POT1: variants seen among roughly 807,000 people sequenced by gnomAD.
POT1 encodes the protein protection of telomeres protein 1.
In POT1, 47 loss-of-function variants were observed where a neutral mutation model predicts 78.5. The observed-to-expected ratio is 0.60, with a 90% confidence interval of 0.47 to 0.76. The LOEUF (loss-of-function observed/expected upper bound fraction) is 0.76, where lower values mean the gene tolerates loss of function less well. Among genes scored for constraint, POT1 ranks in the 30% least tolerant of loss-of-function variants. The probability of loss-of-function intolerance (pLI) is 0.00; values close to 1 mark genes in which losing one functional copy is unlikely to be tolerated. For synonymous variants in POT1, 259 were observed against 260.7 expected (o/e 0.99, Z 0.06); for missense variants, 646 against 749.9 (o/e 0.86, Z 1.62).
chr7:124,928,081 C>T (rs1337830615), intron 2 of POT1, among the ~76,000 whole-genome samples: 2 of 151,984 alleles, frequency 1.3e-5, no homozygotes, highest in African/African-American at 4.8e-5. Flanking sequence ...AACTACCTAA[C>T]GCATGGAAAA....
chr7:124,827,125 T>C, intron 17 of POT1, 89 bp downstream of exon 17: 1 of 680,154 alleles, frequency 1.5e-6, no homozygotes, highest in Non-Finnish European at 2.1e-6. Context: ...TTAAGTCCTT[T>C]TAGGAACAAA....
At chr7:124,906,639 T>C (rs1009048910) in intron 3 of POT1, among the ~76,000 whole-genome samples, 4 of 151,850 alleles carry the variant, frequency 2.6e-5, no homozygotes, top group African/African-American at 9.7e-5. Flanking sequence ...AAAAGTATAA[T>C]AAAAAATAAA....
chr7:124,855,059 C>A (rs924588767), intron 9 of POT1, among the ~76,000 whole-genome samples: 1 of 151,216 alleles, frequency 6.6e-6, no homozygotes, highest in Non-Finnish European at 1.5e-5. Flanking sequence ...TTCATGGAAT[C>A]TGAAAAGCTA....
intron 6 of POT1, among the ~76,000 whole-genome samples, chr7:124,877,282 T>C (rs185502784): frequency 2.6e-5 from 4 of 152,182 alleles, no homozygotes; most frequent in Non-Finnish European, 4.4e-5. Context: ...TTATAAAACC[T>C]GACAAAACTA....
At chr7:124,877,490 C>T (rs1002609990) in intron 6 of POT1, among the ~76,000 whole-genome samples, 4 of 151,768 alleles carry the variant, frequency 2.6e-5, no homozygotes, top group African/African-American at 9.7e-5. Context: ...AACAACTACT[C>T]TAGATTGGAG....
At chr7:124,891,616 CCTTT>C (rs980743653) in intron 6 of POT1, among the ~76,000 whole-genome samples, 17 of 151,510 alleles carry the variant, frequency 1.1e-4, no homozygotes, top group African/African-American at 3.9e-4. Flanking sequence ...TTGCTATCTT[CCTTT>C]GTGTTTCATT....
At chr7:124,868,749 T>C (rs909596028) in intron 7 of POT1, among the ~76,000 whole-genome samples, 6 of 149,874 alleles carry the variant, frequency 4.0e-5, no homozygotes, top group African/African-American at 1.2e-4. Context: ...TATAATTCAA[T>C]ATATAAATAT....
chr7:124,880,430 T>C (rs754321368), intron 6 of POT1, among the ~76,000 whole-genome samples: 1 of 152,116 alleles, frequency 6.6e-6, no homozygotes, highest in Non-Finnish European at 1.5e-5. Context: ...TTTAATTTAA[T>C]GTTAATGTTA....
intron 3 of POT1, among the ~76,000 whole-genome samples, chr7:124,904,332 TG>T (rs1206861221): frequency 6.6e-6 from 1 of 152,196 alleles, no homozygotes; most frequent in Non-Finnish European, 1.5e-5. Context: ...GATCCAAGGC[TG>T]GTTCAACATA....
intron 18 of POT1, among the ~76,000 whole-genome samples, chr7:124,824,795 T>C (rs987631823): frequency 3.3e-5 from 5 of 152,100 alleles, no homozygotes; most frequent in Admixed American, 6.6e-5. Flanking sequence ...TAATCAAATG[T>C]TTATGCAGAA....
At chr7:124,919,847 C>T (rs1015604567) in intron 2 of POT1, among the ~76,000 whole-genome samples, 1 of 152,116 alleles carries the variant, frequency 6.6e-6, no homozygotes, top group Admixed American at 6.5e-5. Flanking sequence ...AAGCTCAGTG[C>T]CCCTCAGATG....
chr7:124,848,261 CTAAA>C (rs1435958388), intron 11 of POT1, among the ~76,000 whole-genome samples: 96 of 152,146 alleles, frequency 6.3e-4, no homozygotes, highest in African/African-American at 2.1e-3. Flanking sequence ...ATAAAAAACT[CTAAA>C]TAACTACTAA....
At chr7:124,847,252 C>CG (rs35603139) in intron 11 of POT1, among the ~76,000 whole-genome samples, 3 of 152,116 alleles carry the variant, frequency 2.0e-5, no homozygotes, top group Non-Finnish European at 4.4e-5. Context: ...CCCAACACTT[C>CG]GGAGGACTGA....
chr7:124,860,168 A>C (rs1191175051), intron 8 of POT1, among the ~76,000 whole-genome samples: 1 of 152,064 alleles, frequency 6.6e-6, no homozygotes, highest in East Asian at 1.9e-4. Flanking sequence ...CATATTTCCC[A>C]GAGTTGAAAA....
chr7:124,877,132 G>A (rs757695639), intron 6 of POT1, among the ~76,000 whole-genome samples: 2 of 152,162 alleles, frequency 1.3e-5, no homozygotes, highest in Admixed American at 6.5e-5. Flanking sequence ...GAAAACTTCT[G>A]TAGAGAATAA....
intron 9 of POT1, among the ~76,000 whole-genome samples, chr7:124,855,298 A>G (rs1340707585): frequency 6.6e-6 from 1 of 151,324 alleles, no homozygotes; most frequent in Non-Finnish European, 1.5e-5. Context: ...TATTTCCTAA[A>G]ATTTAAAAGT....
intron 17 of POT1, 58 bp from the exon 18 acceptor site, chr7:124,825,415 T>G: frequency 1.9e-6 from 2 of 1,028,644 alleles, no homozygotes; most frequent in South Asian, 3.1e-5. Flanking sequence ...TTTTTAATGT[T>G]ATTATTAACA....
rs201795950 is a variant in POT1 at position 124,909,535 on chromosome 7, T to A, written c.-154+6039A>T. Among the ~76,000 whole-genome samples the A allele has an allele frequency of 2.6e-5, 4 of 151,862 alleles. No individual in the cohort carries two copies. In the East Asian group the frequency reaches 7.7e-4, roughly 29 times the overall value. On this transcript the variant is annotated intron_variant, in intron 3 of 18. Coordinates refer to ENST00000357628, the MANE Select transcript of POT1 (RefSeq NM_015450.3). ...ATTGGTATATTAGACCCTCAAATAATCAGCATTTCTGGGTTTTAAATCCAG... is the reference window on the plus strand; with the variant it reads ...ATTGGTATATTAGACCCTCAAATAAACAGCATTTCTGGGTTTTAAATCCAG...
chr7:124,866,578 T>C (rs932019981), intron 7 of POT1, among the ~76,000 whole-genome samples: 1 of 152,192 alleles, frequency 6.6e-6, no homozygotes, highest in African/African-American at 2.4e-5. Context: ...TATAACTCCT[T>C]CCTCTCTGGT....
Sources: gnomAD v4.1 joint callset for allele counts (sites outside exome capture counted in the v4.1 genomes callset) on GRCh38, gnomAD v4.1.1 for gene constraint, MANE v1.5 for transcripts, NCBI Gene and HGNC (gene_info 2026-07-23, HGNC 2026-07-21) for gene names.